The following BIRC6 variants were observed in gnomAD, a reference collection of about 807,000 sequenced individuals.
BIRC6 encodes baculoviral IAP repeat containing 6, also known as dual E2 ubiquitin-conjugating enzyme/E3 ubiquitin-protein ligase BIRC6.
In BIRC6, 98 loss-of-function variants were observed where a neutral mutation model predicts 503.3. The ratio of observed to expected loss-of-function variants is 0.19; its 90% confidence interval spans 0.17 to 0.23. BIRC6 has a LOEUF of 0.23. Among genes scored for constraint, BIRC6 ranks in the 10% least tolerant of loss-of-function variants. BIRC6 has a pLI of 1.00. For missense variants in BIRC6, 5,360 were observed against 5,806.0 expected (o/e 0.92, Z 2.50); for synonymous variants, 2,240 against 2,078.7 (o/e 1.08, Z -2.11).
rs1259783185 is a variant in BIRC6, at chr2:32,415,118, C to T, written c.1827C>T (p.Asp609=). Reference sequence around the variant, plus strand: ...GTATATCAGAACAAGGGTCAACTGACAATGAATCCTGCACTAATTCAGAAC... The same window carrying T: ...GTATATCAGAACAAGGGTCAACTGATAATGAATCCTGCACTAATTCAGAAC... ...GESISEQGST[D]NESCTNSELN... is the part of the protein sequence containing the mutation. Residue 609 remains aspartate (D), a synonymous_variant, in exon 10 of 74, where the codon GAC becomes GAT. Coordinates refer to ENST00000421745, the MANE Select transcript of BIRC6 (RefSeq NM_016252.4). 1.9e-6 allele frequency: 3 copies of T among 1,613,924 alleles called. No individual in the cohort carries two copies. The highest frequency in any genetic ancestry group is 1.6e-4 in the Middle Eastern group (1 of 6,062).
At position 32,415,171 on chromosome 2, in the gene BIRC6, T is replaced by C. The variant is rs1355584708; in HGVS notation, c.1880T>C (p.Leu627Ser). ...AATTCTCCTCTGGTAAGGAGGACTTTACCGGTTTTGCTTCTTTATAGCATC... is the reference window on the plus strand; with the variant it reads ...AATTCTCCTCTGGTAAGGAGGACTTCACCGGTTTTGCTTCTTTATAGCATC... Reference protein sequence around the residue: ...ELNSPLVRRTLPVLLLYSIKE... With the variant: ...ELNSPLVRRTSPVLLLYSIKE... Residue 627 changes from leucine to serine, a missense_variant, in exon 10 of 74, where the codon TTA (leucine) becomes TCA (serine). Transcript: ENST00000421745. 3 of 1,614,030 alleles carry C rather than the reference T, an allele frequency of 1.9e-6. No homozygotes were observed. Among genetic ancestry groups the C allele is most frequent in the South Asian group, 1.1e-5 (1 of 91,080 alleles).
intron 66 of BIRC6, among the ~76,000 whole-genome samples, chr2:32,591,929 A>G (rs749844048): frequency 5.3e-5 from 8 of 152,172 alleles, no homozygotes; most frequent in Non-Finnish European, 7.3e-5. Flanking sequence ...ACTGATTGTT[A>G]TTAGCTATTG....
chr2:32,464,766 T>C lies in BIRC6; in HGVS notation c.5199T>C (p.Ile1733=). Residue 1733 remains isoleucine (I), a synonymous_variant, in exon 25 of 74, where the codon ATT becomes ATC. Coordinates refer to ENST00000421745, the MANE Select transcript of BIRC6 (RefSeq NM_016252.4). ...CACAGCTTTTCCCAGGCTCAGTCAT[T>C]GATCCCCCAGCAGTCAATCTTGCTG... The part of the protein sequence containing the change: ...ELAQLFPGSV[I]DPPAVNLAAH... 6.2e-7 allele frequency: 1 copy of C among 1,614,016 alleles called. No individual in the cohort carries two copies. Among genetic ancestry groups the C allele is most frequent in the East Asian group, 2.2e-5 (1 of 44,890 alleles).
Position 32,518,346 on chromosome 2 carries a change from G to T in BIRC6, c.11442G>T (p.Gln3814His). 3.1e-6 allele frequency: 5 copies of T among 1,607,874 alleles called. No individual in the cohort carries two copies. Among genetic ancestry groups the T allele is most frequent in the Non-Finnish European group, 4.2e-6 (5 of 1,178,516 alleles). ...GGTTTATACGAAGATTATTTTTACAGTTGATGCTGGAAGATGAGAAAGTGA... is the reference window on the plus strand; with the variant it reads ...GGTTTATACGAAGATTATTTTTACATTTGATGCTGGAAGATGAGAAAGTGA... ...ISGFIRRLFL[Q>H]LMLEDEKVTM... The change falls in exon 56 of 74, where the codon CAG becomes CAT. Residue 3814 changes from glutamine to histidine, a missense_variant. Around this residue, in one of 16 missense-constraint regions of BIRC6, gnomAD observed 878 missense variants for 928.9 expected, o/e 0.95. Transcript: ENST00000421745.
At position 32,510,620 on chromosome 2, in the gene BIRC6, T is replaced by G. The variant is rs2054290797; in HGVS notation, c.10332T>G (p.Pro3444=). 6.3e-7 allele frequency: 1 copy of G among 1,591,706 alleles called. No homozygotes were observed. Among genetic ancestry groups the G allele is most frequent in the Admixed American group, 1.7e-5 (1 of 59,950 alleles). The part of the protein sequence containing the change: ...ILYQLGTTQD[P]GTKDRIQALL... ...ACCAGCTTGGAACAACTCAGGATCC[T>G]GGTACAAAAGACAGGTACGATTTTA... Residue 3444 remains proline, a synonymous_variant, in exon 53 of 74, where the codon CCT becomes CCG. Coordinates refer to ENST00000421745, the MANE Select transcript of BIRC6 (RefSeq NM_016252.4).
At chr2:32,418,195 A>C (rs1448722314) in intron 10 of BIRC6, among the ~76,000 whole-genome samples, 1 of 152,234 alleles carries the variant, frequency 6.6e-6, no homozygotes, top group Non-Finnish European at 1.5e-5. Flanking sequence ...TAGACTAATG[A>C]AACTTGGAAT....
Position 32,463,385 on chromosome 2 carries a change from G to A in BIRC6, c.4941+4G>A, listed in dbSNP as rs777161602. Reference sequence around the variant, plus strand: ...GCTTTTGAAGCTTCAGCAACAGGTTGGAGACTATTTGGCTCTTTGTTCATG... The same window carrying A: ...GCTTTTGAAGCTTCAGCAACAGGTTAGAGACTATTTGGCTCTTTGTTCATG... On this transcript the variant is annotated splice_donor_region_variant and intron_variant, in intron 24 of 73. Transcript: ENST00000421745. The A allele has an allele frequency of 3.1e-6, 5 of 1,604,094 alleles. No individual in the cohort carries two copies. Among genetic ancestry groups the A allele is most frequent in the Non-Finnish European group, 4.3e-6 (5 of 1,175,652 alleles).
intron 42 of BIRC6, among the ~76,000 whole-genome samples, 155 bp downstream of exon 42, chr2:32,488,869 G>A (rs1010257964): frequency 2.0e-5 from 3 of 152,114 alleles, no homozygotes; most frequent in African/African-American, 7.2e-5. Context: ...CTAACTTACC[G>A]ATTAGCAGGA....
chr2:32,559,735 A>C (rs1325390484), intron 65 of BIRC6, among the ~76,000 whole-genome samples: 1 of 151,668 alleles, frequency 6.6e-6, no homozygotes, highest in Non-Finnish European at 1.5e-5. Flanking sequence ...AAAAAAAAAA[A>C]ATAAGGCCGG....
intron 1 of BIRC6, among the ~76,000 whole-genome samples, chr2:32,364,129 A>G (rs1455895842): frequency 6.6e-6 from 1 of 152,222 alleles, no homozygotes; most frequent in Non-Finnish European, 1.5e-5. Flanking sequence ...ATATGTGTGC[A>G]GGTATTAATC....
intron 59 of BIRC6, chr2:32,527,580 T>G (rs1440067799): frequency 6.6e-6 from 1 of 152,236 alleles, no homozygotes; most frequent in Non-Finnish European, 1.5e-5. Flanking sequence ...GACACAGTTG[T>G]GCATGTCTGG....
At chr2:32,435,286 GAGA>G (rs1210342259) in intron 13 of BIRC6, among the ~76,000 whole-genome samples, 1 of 152,174 alleles carries the variant, frequency 6.6e-6, no homozygotes, top group Non-Finnish European at 1.5e-5. Flanking sequence ...CGTTAAAAGA[GAGA>G]AGAATGTATA....
intron 1 of BIRC6, among the ~76,000 whole-genome samples, chr2:32,368,005 T>C (rs2035217166): frequency 6.6e-6 from 1 of 152,184 alleles, no homozygotes; most frequent in Non-Finnish European, 1.5e-5. Context: ...CATAATTTGT[T>C]TATGTACTTT....
intron 10 of BIRC6, among the ~76,000 whole-genome samples, chr2:32,421,423 A>G (rs1418104091): frequency 6.6e-6 from 1 of 152,150 alleles, no homozygotes; most frequent in African/African-American, 2.4e-5. Context: ...TTCTTAAAGT[A>G]GAAGCTTATT....
intron 70 of BIRC6, among the ~76,000 whole-genome samples, chr2:32,600,610 T>C (rs1478564882): frequency 6.6e-6 from 1 of 152,206 alleles, no homozygotes; most frequent in Non-Finnish European, 1.5e-5. Context: ...ACATTGACTT[T>C]ACTTGAGACA....
At chr2:32,525,082 A>C in intron 58 of BIRC6, 63 bp downstream of exon 58, 2 of 1,342,014 alleles carry the variant, frequency 1.5e-6, no homozygotes, top group Non-Finnish European at 1.9e-6. Context: ...TTAGAATTTT[A>C]GTTACAGGAA....
At position 32,484,574 on chromosome 2, in the gene BIRC6, A is replaced by T. The variant is rs1252914594; in HGVS notation, c.7697-1069A>T. Among the ~76,000 whole-genome samples the T allele has an allele frequency of 2.6e-5, 4 of 151,962 alleles. No individual in the cohort carries two copies. The East Asian group carries it at 7.7e-4, about 29-fold the overall frequency. On this transcript the variant is annotated intron_variant, in intron 39 of 73. Coordinates refer to ENST00000421745, the MANE Select transcript of BIRC6 (RefSeq NM_016252.4). ...TCAAAAAAAAAAAAAAAAGAAAGAA[A>T]GAAAGAAAAAATTACTGTAATAGTT...
chr2:32,454,447 A>G (rs2047024801), intron 23 of BIRC6, among the ~76,000 whole-genome samples: 1 of 151,000 alleles, frequency 6.6e-6, no homozygotes, highest in South Asian at 2.1e-4. Context: ...CAATCAGTGG[A>G]AACTTGTTTA....
At chr2:32,565,332 C>T (rs2059464994) in intron 65 of BIRC6, 1 of 152,060 alleles carries the variant, frequency 6.6e-6, no homozygotes, top group African/African-American at 2.4e-5. Flanking sequence ...TCAACACATA[C>T]CTAAATATAC....
Sources: allele counts gnomAD v4.1 joint callset (sites outside exome capture counted in the v4.1 genomes callset), GRCh38; gene constraint gnomAD v4.1.1; regional missense constraint gnomAD v4.1.1; transcripts MANE v1.5; gene names NCBI Gene and HGNC (gene_info 2026-07-23, HGNC 2026-07-21).